SPG21: variants seen among roughly 807,000 people sequenced by gnomAD.
SPG21 encodes the protein SPG21 abhydrolase domain containing, maspardin.
Under a neutral mutation model 38.9 loss-of-function variants are expected in SPG21, and 26 were observed. That is an observed-to-expected ratio of 0.67 (90% CI 0.49 to 0.93). SPG21 has a LOEUF of 0.93. Ranked by LOEUF, SPG21 falls within the 40% of genes least tolerant of loss-of-function variation. The pLI is 0.00. For synonymous variants in SPG21, 136 were observed against 128.9 expected (o/e 1.05, Z -0.37); for missense variants, 333 against 376.5 (o/e 0.88, Z 0.96).
chr15:64,987,933 C>A (rs918113725), intron 1 of SPG21, among the ~76,000 whole-genome samples: 1 of 152,214 alleles, frequency 6.6e-6, no homozygotes, highest in Non-Finnish European at 1.5e-5. Flanking sequence ...ACGCAGGAAG[C>A]TGAGGCAGAA....
At chr15:64,971,137 TGTAG>T (rs1351359379) in intron 5 of SPG21, among the ~76,000 whole-genome samples, 1 of 152,184 alleles carries the variant, frequency 6.6e-6, no homozygotes, top group Non-Finnish European at 1.5e-5. Context: ...CATAGCTCAC[TGTAG>T]CCTCAAACTC....
intron 4 of SPG21, among the ~76,000 whole-genome samples, chr15:64,975,437 A>G (rs141510633): frequency 1.1e-4 from 17 of 151,440 alleles, no homozygotes; most frequent in African/African-American, 4.1e-4. Flanking sequence ...TTGAGGTGGG[A>G]GGATCGCTTG....
At chr15:64,966,762 G>T (rs1417815591) in intron 7 of SPG21, among the ~76,000 whole-genome samples, 2 of 152,096 alleles carry the variant, frequency 1.3e-5, no homozygotes, top group African/African-American at 4.8e-5. Context: ...AGCTGGGCGT[G>T]GTGGTGGGTG....
At chr15:64,979,543 G>A (rs2085845782) in intron 3 of SPG21, among the ~76,000 whole-genome samples, 2 of 152,168 alleles carry the variant, frequency 1.3e-5, no homozygotes, top group African/African-American at 4.8e-5. Flanking sequence ...GAGAAAAGCA[G>A]CAGGTAGTGA....
rs369971104 is a variant in SPG21, at chr15:64,984,412, G to A, written c.-24-819C>T. ...CTGTTGTCCAGGCTGCAGTTCAATG[G>A]CACAATCACAGCTCACCACAGCCTT... On this transcript the variant is annotated intron_variant, in intron 1 of 8. Coordinates refer to ENST00000204566, the MANE Select transcript of SPG21 (RefSeq NM_016630.7). Among the ~76,000 whole-genome samples the A allele has an allele frequency of 7.2e-5, 11 of 152,100 alleles. No homozygotes were observed. In the East Asian group the frequency reaches 2.1e-3, roughly 29 times the overall value.
At chr15:64,970,829 T>A (rs181096556) in intron 5 of SPG21, among the ~76,000 whole-genome samples, 3 of 152,262 alleles carry the variant, frequency 2.0e-5, no homozygotes, top group Admixed American at 2.0e-4. Flanking sequence ...AACCTCTGCC[T>A]CCCGGGCTCA....
chr15:64,965,209 T>A, intron 8 of SPG21, 111 bp downstream of exon 8: 1 of 1,436,232 alleles, frequency 7.0e-7, no homozygotes, highest in South Asian at 1.2e-5. Flanking sequence ...GCCTCATTTC[T>A]ACAAGGAATT....
chr15:64,974,862 G>C lies in SPG21; in HGVS notation c.307-115C>G, dbSNP rs58374477. The C allele has an allele frequency of 3.4e-6, 4 of 1,160,020 alleles. No homozygotes were observed. The African/African-American group carries it at 6.2e-5, about 18-fold the overall frequency. 71.9% of individuals were successfully genotyped at this position (1,160,020 alleles called of 1,614,324 possible). On this transcript the variant is annotated intron_variant, in intron 4 of 8. Transcript: ENST00000204566. Reference sequence around the variant, plus strand: ...CAGAATATGTTATCACTAGCCAATAGACTAAAATATTTACAGCAGCTAGAA... The same window carrying C: ...CAGAATATGTTATCACTAGCCAATACACTAAAATATTTACAGCAGCTAGAA...
At chr15:64,967,484 C>CT (rs1566924147) in intron 7 of SPG21, among the ~76,000 whole-genome samples, 2 of 117,154 alleles carry the variant, frequency 1.7e-5, no homozygotes, top group East Asian at 2.9e-4. Context: ...TTTTTTTTTT[C>CT]TTTTTTTTGA....
chr15:64,976,697 C>A, intron 3 of SPG21, 142 bp from the exon 4 acceptor site: 1 of 655,318 alleles, frequency 1.5e-6, no homozygotes, highest in Non-Finnish European at 2.7e-6. Context: ...TAAAAATAAG[C>A]TCTCACTTTT....
chr15:64,965,137 C>T (rs1455921367), intron 8 of SPG21, among the ~76,000 whole-genome samples, 183 bp downstream of exon 8: 3 of 152,182 alleles, frequency 2.0e-5, no homozygotes, highest in Non-Finnish European at 2.9e-5. Context: ...TGGGGGATCT[C>T]TAATATACCT....
At chr15:64,973,866 G>A (rs978481218) in intron 5 of SPG21, among the ~76,000 whole-genome samples, 1 of 152,004 alleles carries the variant, frequency 6.6e-6, no homozygotes, top group Non-Finnish European at 1.5e-5. Context: ...CATATCTCAA[G>A]GAAATAAATT....
intron 2 of SPG21, among the ~76,000 whole-genome samples, chr15:64,982,463 A>G (rs952716183): frequency 2.0e-5 from 3 of 151,930 alleles, no homozygotes; most frequent in Admixed American, 6.6e-5. Flanking sequence ...TCATTTTTTT[A>G]TAGAGACAGA....
At chr15:64,966,063 C>G (rs1190679535) in intron 7 of SPG21, among the ~76,000 whole-genome samples, 1 of 151,850 alleles carries the variant, frequency 6.6e-6, no homozygotes, top group Non-Finnish European at 1.5e-5. Context: ...AGTAGATTAA[C>G]AGAATATTAA....
rs387906275 is a variant in SPG21, at chr15:64,969,322, G to GT, written c.601dup (p.Thr201AsnfsTer13). The GT allele has an allele frequency of 6.2e-7, 1 of 1,613,956 alleles. No homozygotes were observed. The highest frequency in any genetic ancestry group is 8.5e-7 in the Non-Finnish European group (1 of 1,179,970). On this transcript the variant is annotated frameshift_variant, in exon 7 of 9. Coordinates refer to ENST00000204566, the MANE Select transcript of SPG21 (RefSeq NM_016630.7). LOFTEE classifies it high-confidence loss of function. Reference sequence around the variant, plus strand: ...CACATAAGAATTTTGACAATTCAAGGTAAGTCTTGAAGCCAGTTCACTCTG... The same window carrying GT: ...CACATAAGAATTTTGACAATTCAAGGTTAAGTCTTGAAGCCAGTTCACTCTG...
At chr15:64,966,076 G>A (rs1328750636) in intron 7 of SPG21, among the ~76,000 whole-genome samples, 4 of 151,980 alleles carry the variant, frequency 2.6e-5, no homozygotes, top group African/African-American at 9.7e-5. Context: ...AATATTAATA[G>A]AGAACAATCA....
intron 1 of SPG21, among the ~76,000 whole-genome samples, chr15:64,985,863 C>T (rs1242421083): frequency 1.3e-5 from 2 of 152,172 alleles, no homozygotes; most frequent in Non-Finnish European, 2.9e-5. Context: ...TGTAGACATT[C>T]TAACACTAAA....
chr15:64,978,850 G>A (rs1158970609), intron 3 of SPG21, among the ~76,000 whole-genome samples: 1 of 152,162 alleles, frequency 6.6e-6, no homozygotes, highest in Non-Finnish European at 1.5e-5. Context: ...GAGATTGGTA[G>A]ATTGTAGTAA....
At chr15:64,965,199 G>T in intron 8 of SPG21, 121 bp downstream of exon 8, 2 of 1,325,820 alleles carry the variant, frequency 1.5e-6, no homozygotes, top group Non-Finnish European at 2.1e-6. Flanking sequence ...TCAAGTCAAT[G>T]CCTCATTTCT....
Sources: gnomAD v4.1 joint callset for allele counts (sites outside exome capture counted in the v4.1 genomes callset) on GRCh38, gnomAD v4.1.1 for gene constraint, MANE v1.5 for transcripts, NCBI Gene and HGNC (gene_info 2026-07-23, HGNC 2026-07-21) for gene names.